The following UGT1A3 variants were observed in gnomAD, a reference collection of about 807,000 sequenced individuals.
UGT1A3 encodes the protein UDP-glucuronosyltransferase 1A3.
In UGT1A3, 31 loss-of-function variants were observed where a neutral mutation model predicts 41.0. The observed-to-expected ratio is 0.76, with a 90% CI of 0.57 to 1.02. The LOEUF is 1.02. Among genes scored for constraint, UGT1A3 ranks in the 50% least tolerant of loss-of-function variants. The pLI is 0.00. For synonymous variants in UGT1A3, 262 were observed against 257.6 expected (o/e 1.02, Z -0.17); for missense variants, 737 against 671.0 (o/e 1.10, Z -1.09).
intron 1 of UGT1A3, chr2:233,743,541 ACC>A (rs544018510): frequency 1.5e-6 from 2 of 1,366,832 alleles, no homozygotes; most frequent in Non-Finnish European, 2.0e-6. Context: ...AGTTCCTCTG[ACC>A]CCCCCAAAAT....
chr2:233,749,047 T>C (rs561305390), intron 1 of UGT1A3, among the ~76,000 whole-genome samples: 1 of 151,806 alleles, frequency 6.6e-6, no homozygotes, highest in Non-Finnish European at 1.5e-5. Flanking sequence ...TGTGGTACTC[T>C]GGGACCTGAA....
At chr2:233,761,962 G>A (rs1257423083) in intron 1 of UGT1A3, among the ~76,000 whole-genome samples, 1 of 152,228 alleles carries the variant, frequency 6.6e-6, no homozygotes, top group Non-Finnish European at 1.5e-5. Flanking sequence ...CCATTAAGGG[G>A]ACTGATATCA....
rs1378929014 is a variant in UGT1A3, at chr2:233,747,451, A to G, written c.867+17458A>G. On this transcript the variant is annotated intron_variant, in intron 1 of 4. Coordinates refer to ENST00000482026, the MANE Select transcript of UGT1A3 (RefSeq NM_019093.4). ...GAGAAATTTTTCACCCTGACAACCT[A>G]TGCCATTTCATGGACCCAGGATGAA... is the stretch of plus-strand genomic sequence containing the variant. 1.7e-4 allele frequency: 273 copies of G among 1,608,716 alleles called. 1 individual carries two copies. The highest frequency in any genetic ancestry group is 3.3e-5 in the Admixed American group (2 of 59,980).
At position 233,767,184 on chromosome 2, in the gene UGT1A3, A is replaced by T. The variant is rs1373599662; in HGVS notation, c.999+19A>T. 3.7e-6 allele frequency: 6 copies of T among 1,613,882 alleles called. No individual in the cohort carries two copies. Among genetic ancestry groups the T allele is most frequent in the Non-Finnish European group, 5.1e-6 (6 of 1,179,970 alleles). ...TCAGACAGTAAGAAGATTCTATACCATGGCCTCATATCTATTTTCACAGGA... is the reference window on the plus strand; with the variant it reads ...TCAGACAGTAAGAAGATTCTATACCTTGGCCTCATATCTATTTTCACAGGA... On this transcript the variant is annotated intron_variant, in intron 2 of 4. Coordinates refer to ENST00000482026, the MANE Select transcript of UGT1A3 (RefSeq NM_019093.4).
At position 233,767,975 on chromosome 2, in the gene UGT1A3, T is replaced by A. The variant is rs772516341; in HGVS notation, c.1087+39T>A. The A allele has an allele frequency of 6.2e-6, 10 of 1,614,016 alleles. No homozygotes were observed. The African/African-American group carries it at 1.3e-4, about 22-fold the overall frequency. On this transcript the variant is annotated intron_variant, in intron 3 of 4. Transcript: ENST00000482026. ...ATTGGATGTATAGGTCAAACCAGGGTCAAATTAAGAAAATGGCTTAAGCAC... is the reference window on the plus strand; with the variant it reads ...ATTGGATGTATAGGTCAAACCAGGGACAAATTAAGAAAATGGCTTAAGCAC...
intron 1 of UGT1A3, among the ~76,000 whole-genome samples, chr2:233,749,044 C>T (rs1240324138): frequency 6.6e-6 from 1 of 151,716 alleles, no homozygotes. Context: ...TGATGTGGTA[C>T]TCTGGGACCT....
intron 1 of UGT1A3, 93 bp downstream of exon 1, chr2:233,730,086 CTTTCCAAATATTTCA>C: frequency 1.2e-6 from 2 of 1,600,798 alleles, no homozygotes; most frequent in Non-Finnish European, 1.7e-6. Flanking sequence ...ATTTACTTAT[CTTTCCAAATATTTCA>C]TTTCTGCTTC....
At chr2:233,730,901 C>A (rs2078088163) in intron 1 of UGT1A3, among the ~76,000 whole-genome samples, 1 of 152,116 alleles carries the variant, frequency 6.6e-6, no homozygotes, top group Non-Finnish European at 1.5e-5. Flanking sequence ...TACTCCTTTA[C>A]CAAAAATTTC....
intron 1 of UGT1A3, among the ~76,000 whole-genome samples, chr2:233,748,510 G>A (rs1250005538): frequency 1.3e-5 from 2 of 151,856 alleles, no homozygotes; most frequent in Non-Finnish European, 2.9e-5. Context: ...TAGTGGTCCT[G>A]TCTTGCGAAT....
intron 1 of UGT1A3, among the ~76,000 whole-genome samples, chr2:233,761,693 AG>A (rs1697839049): frequency 6.6e-6 from 1 of 152,260 alleles, no homozygotes; most frequent in African/African-American, 2.4e-5. Flanking sequence ...TGATACAGAA[AG>A]GTTGTAGGTT....
At position 233,772,584 on chromosome 2, in the gene UGT1A3, A is replaced by T; in HGVS notation, c.*25A>T. 6.2e-7 allele frequency: 1 copy of T among 1,604,676 alleles called. No homozygotes were observed. The highest frequency in any genetic ancestry group is 8.5e-7 in the Non-Finnish European group (1 of 1,174,986). On this transcript the variant is annotated 3_prime_UTR_variant, in exon 5 of 5. Transcript: ENST00000482026. ...AGAAGTGGGTGGGAAATAAGGTAAAATTTTGAACCATTCCCTAGTCATTTC... is the reference window on the plus strand; with the variant it reads ...AGAAGTGGGTGGGAAATAAGGTAAATTTTTGAACCATTCCCTAGTCATTTC...
intron 1 of UGT1A3, among the ~76,000 whole-genome samples, chr2:233,748,465 C>G (rs987593580): frequency 6.6e-6 from 1 of 151,790 alleles, no homozygotes; most frequent in African/African-American, 2.4e-5. Context: ...AAAGATGATG[C>G]AACAGCAAAT....
chr2:233,744,363 T>G (rs1041937060), intron 1 of UGT1A3, among the ~76,000 whole-genome samples: 1 of 151,886 alleles, frequency 6.6e-6, no homozygotes, highest in African/African-American at 2.4e-5. Context: ...TCCTGTTGTT[T>G]AGGACTGCAG....
chr2:233,756,049 A>G (rs1408892544), intron 1 of UGT1A3: 1 of 152,200 alleles, frequency 6.6e-6, no homozygotes, highest in Admixed American at 6.5e-5. Flanking sequence ...GGAAAACTCC[A>G]CTGTACACTT....
chr2:233,730,126 G>A, intron 1 of UGT1A3, 133 bp downstream of exon 1: 1 of 1,542,516 alleles, frequency 6.5e-7, no homozygotes, highest in Non-Finnish European at 8.7e-7. Flanking sequence ...TGTCATAATA[G>A]CCTTCAGTGA....
intron 1 of UGT1A3, among the ~76,000 whole-genome samples, chr2:233,749,743 T>C (rs1694265349): frequency 1.3e-5 from 2 of 151,904 alleles, no homozygotes; most frequent in Non-Finnish European, 2.9e-5. Context: ...GGTCTCATCA[T>C]AGTGAGTGAG....
chr2:233,738,648 G>A (rs1199292214), intron 1 of UGT1A3, among the ~76,000 whole-genome samples: 1 of 152,164 alleles, frequency 6.6e-6, no homozygotes, highest in African/African-American at 2.4e-5. Flanking sequence ...AGAGCTCTTT[G>A]GAACTACGAA....
At chr2:233,737,806 C>T (rs575024235) in intron 1 of UGT1A3, among the ~76,000 whole-genome samples, 1 of 152,098 alleles carries the variant, frequency 6.6e-6, no homozygotes, top group Non-Finnish European at 1.5e-5. Context: ...TCACTATCAT[C>T]TCAGTGGAGC....
intron 1 of UGT1A3, 84 bp downstream of exon 1, chr2:233,730,077 T>G: frequency 1.2e-6 from 2 of 1,605,094 alleles, no homozygotes; most frequent in South Asian, 2.2e-5. Flanking sequence ...TGCTTCCATA[T>G]TTACTTATCT....
Sources: gnomAD v4.1 joint callset for allele counts (sites outside exome capture counted in the v4.1 genomes callset) on GRCh38, gnomAD v4.1.1 for gene constraint, MANE v1.5 for transcripts, NCBI Gene and HGNC (gene_info 2026-07-23, HGNC 2026-07-21) for gene names.